Variants in ETFA observed in about 807,000 individuals in gnomAD.
ETFA encodes electron transfer flavoprotein subunit alpha.
ETFA carries 22 observed loss-of-function variants against 46.2 expected under a neutral mutation model. The observed-to-expected ratio is 0.48, with a 90% CI of 0.34 to 0.68. The LOEUF (loss-of-function observed/expected upper bound fraction) is 0.68, where lower values mean the gene tolerates loss of function less well. Among genes scored for constraint, ETFA ranks in the 30% least tolerant of loss-of-function variants. The probability of loss-of-function intolerance (pLI) is 0.01; values close to 1 mark genes in which losing one functional copy is unlikely to be tolerated. For synonymous variants in ETFA, 131 were observed against 139.9 expected (o/e 0.94, Z 0.45); for missense variants, 345 against 401.1 (o/e 0.86, Z 1.19).
chr15:76,260,120 C>CAA, intron 9 of ETFA: 1 of 1,486,084 alleles, frequency 6.7e-7, no homozygotes, highest in Non-Finnish European at 9.4e-7. Context: ...CGCACTGAAC[C>CAA]AAACTCTCCT....
chr15:76,296,036 C>T (rs1456293122), intron 1 of ETFA, among the ~76,000 whole-genome samples: 2 of 144,686 alleles, frequency 1.4e-5, no homozygotes, highest in African/African-American at 5.1e-5. Context: ...AGCTCCACCT[C>T]CCAGGTTCAT....
chr15:76,309,710 G>T (rs2039971070), intron 1 of ETFA, among the ~76,000 whole-genome samples: 1 of 152,060 alleles, frequency 6.6e-6, no homozygotes, highest in African/African-American at 2.4e-5. Flanking sequence ...CTTGTAATCT[G>T]TCCACAAAAC....
chr15:76,260,416 G>T, intron 9 of ETFA: 1 of 1,584,582 alleles, frequency 6.3e-7, no homozygotes, highest in South Asian at 1.1e-5. Context: ...AGGACCACAG[G>T]TACCCAGGAT....
chr15:76,226,978 T>C (rs1392731700), intron 10 of ETFA, among the ~76,000 whole-genome samples: 1 of 152,234 alleles, frequency 6.6e-6, no homozygotes. Flanking sequence ...CTTGTCAGCC[T>C]GTTAGTAAGG....
chr15:76,274,324 G>A, intron 9 of ETFA, 88 bp downstream of exon 9: 1 of 1,016,310 alleles, frequency 9.8e-7, no homozygotes, highest in Non-Finnish European at 1.5e-6. Flanking sequence ...CACTGAGTAA[G>A]GTAAATCACT....
At chr15:76,228,608 T>A (rs2039029606) in intron 10 of ETFA, among the ~76,000 whole-genome samples, 1 of 152,072 alleles carries the variant, frequency 6.6e-6, no homozygotes. Flanking sequence ...AAAATAATAT[T>A]CCTAAATAAT....
chr15:76,224,166 A>C (rs1170698367), intron 11 of ETFA, among the ~76,000 whole-genome samples: 1 of 152,138 alleles, frequency 6.6e-6, no homozygotes, highest in East Asian at 1.9e-4. Flanking sequence ...TACGTGAACA[A>C]AGTTATCATT....
chr15:76,302,784 T>C (rs1175733958), intron 1 of ETFA, among the ~76,000 whole-genome samples: 3 of 152,210 alleles, frequency 2.0e-5, no homozygotes, highest in Non-Finnish European at 4.4e-5. Flanking sequence ...AGGAAGACTC[T>C]CTGTACTTTC....
chr15:76,235,334 A>C (rs1010760397), intron 9 of ETFA, among the ~76,000 whole-genome samples: 13 of 152,172 alleles, frequency 8.5e-5, no homozygotes, highest in Admixed American at 8.5e-4. Flanking sequence ...CTGCACACTG[A>C]ATAACTCTGA....
intron 9 of ETFA, among the ~76,000 whole-genome samples, chr15:76,234,699 T>G (rs572980895): frequency 6.6e-6 from 1 of 152,144 alleles, no homozygotes; most frequent in Non-Finnish European, 1.5e-5. Flanking sequence ...AGGTGGCTGA[T>G]AGCAGTCTGA....
At chr15:76,310,068 CAAAAAAAAAAAA>C (rs71143312) in intron 1 of ETFA, 14,018 of 72,098 alleles carry the variant, frequency 0.19, 1,224 homozygotes, top group South Asian at 0.24. Context: ...CCCGTCTCTA[CAAAAAAAAAAAA>C]AAAAAAAAAA....
chr15:76,271,836 A>G (rs1233536591), intron 9 of ETFA, among the ~76,000 whole-genome samples: 1 of 152,090 alleles, frequency 6.6e-6, no homozygotes, highest in Non-Finnish European at 1.5e-5. Context: ...AAAGTTTCAG[A>G]TCCTTAACAA....
rs1027873400 is a variant in ETFA at position 76,291,617 on chromosome 15, G to C, written c.351+814C>G. On this transcript the variant is annotated intron_variant, in intron 4 of 11. Transcript: ENST00000557943. ...TACAAAAAATTAGCCGGGCGAGCTG[G>C]CGGGCGCCTGTAGTCCCAGCTACTC... 3.3e-5 allele frequency among the ~76,000 whole-genome samples: 5 copies of C among 151,496 alleles called. 1 individual carries two copies. Among genetic ancestry groups the C allele is most frequent in the African/African-American group, 1.2e-4 (5 of 41,186 alleles).
At chr15:76,266,502 A>G (rs2039471770) in intron 9 of ETFA, among the ~76,000 whole-genome samples, 1 of 152,244 alleles carries the variant, frequency 6.6e-6, no homozygotes, top group Non-Finnish European at 1.5e-5. Context: ...CAAACAGAAA[A>G]GGCTGTAAAT....
At chr15:76,281,897 C>CT (rs34309169) in intron 8 of ETFA, among the ~76,000 whole-genome samples, 68,876 of 78,102 alleles carry the variant, frequency 0.88, 30,856 homozygotes, top group Admixed American at 0.93. Context: ...TACACGTATC[C>CT]TTTTTTTTTT....
intron 9 of ETFA, among the ~76,000 whole-genome samples, chr15:76,270,842 A>G (rs1194920248): frequency 2.0e-5 from 3 of 152,192 alleles, no homozygotes; most frequent in Non-Finnish European, 4.4e-5. Context: ...AATAGGTACC[A>G]TAAGTCCATA....
intron 9 of ETFA, among the ~76,000 whole-genome samples, chr15:76,271,952 G>A (rs1046230472): frequency 6.6e-6 from 1 of 151,038 alleles, no homozygotes; most frequent in African/African-American, 2.4e-5. Context: ...CTGAGTTAAT[G>A]AATCAAAATT....
chr15:76,227,922 C>T, intron 10 of ETFA: 1 of 456,046 alleles, frequency 2.2e-6, no homozygotes, highest in Non-Finnish European at 4.4e-6. Context: ...AAACATGCTA[C>T]ACACATTAAG....
At chr15:76,262,596 C>T (rs1453228653) in intron 9 of ETFA, among the ~76,000 whole-genome samples, 1 of 149,440 alleles carries the variant, frequency 6.7e-6, no homozygotes, top group East Asian at 2.0e-4. Flanking sequence ...CATTCTCCTG[C>T]CTCAGCCTCC....
Sources: gnomAD v4.1 joint callset for allele counts (sites outside exome capture counted in the v4.1 genomes callset) on GRCh38, gnomAD v4.1.1 for gene constraint, MANE v1.5 for transcripts, NCBI Gene and HGNC (gene_info 2026-07-23, HGNC 2026-07-21) for gene names.